TCF25: variants seen among roughly 807,000 people sequenced by gnomAD.
TCF25 encodes the protein ribosome quality control complex subunit TCF25.
A neutral mutation model predicts 83.1 loss-of-function variants in TCF25; 41 were observed. That is an observed-to-expected ratio of 0.49 (90% CI 0.38 to 0.64). The LOEUF is 0.64. Ranked by LOEUF, TCF25 falls within the 30% of genes least tolerant of loss-of-function variation. The pLI, the probability that TCF25 is intolerant of heterozygous loss-of-function variation, is 0.00. For synonymous variants in TCF25, 458 were observed against 365.0 expected (o/e 1.25, Z -2.90); for missense variants, 979 against 914.5 (o/e 1.07, Z -0.91).
At chr16:89,891,006 G>A (rs1478932565) in intron 5 of TCF25, among the ~76,000 whole-genome samples, 1 of 152,032 alleles carries the variant, frequency 6.6e-6, no homozygotes, top group Non-Finnish European at 1.5e-5. Flanking sequence ...TCTCTCAGAA[G>A]CTCAGAATAA....
intron 16 of TCF25, 31 bp from the exon 17 acceptor site, chr16:89,910,560 T>A (rs767213516): frequency 1.2e-6 from 2 of 1,611,538 alleles, no homozygotes; most frequent in Admixed American, 1.7e-5. Flanking sequence ...CAGTTCAGTG[T>A]CGTTTCTGAC....
At chr16:89,901,106 G>A (rs78498439) in intron 12 of TCF25, 11,704 of 257,178 alleles carry the variant, frequency 0.046, 357 homozygotes, top group Non-Finnish European at 0.07. Context: ...CTGGGGAGGA[G>A]AGCAAAGCAG....
chr16:89,894,019 A>G, intron 7 of TCF25, 161 bp downstream of exon 7: 1 of 1,058,758 alleles, frequency 9.4e-7, no homozygotes, highest in Non-Finnish European at 1.3e-6. Context: ...TGTGACCAGA[A>G]GGAGATGTGT....
chr16:89,898,735 C>T (rs1361110312), intron 10 of TCF25, 32 bp from the exon 11 acceptor site: 2 of 1,613,422 alleles, frequency 1.2e-6, no homozygotes, highest in East Asian at 2.2e-5. Context: ...CCCTGTTCCC[C>T]TTTGCTCTGC....
At chr16:89,910,561 C>A in intron 16 of TCF25, 30 bp from the exon 17 acceptor site, 1 of 1,611,066 alleles carries the variant, frequency 6.2e-7, no homozygotes, top group South Asian at 1.1e-5. Context: ...AGTTCAGTGT[C>A]GTTTCTGACT....
Position 89,904,174 on chromosome 16 carries a change from C to T in TCF25, c.1438C>T (p.His480Tyr). ...SVRPDASVSS[H>Y]RFFGPNAEIS... ...GCGGCCCGACGCCAGCGTTTCCAGT[C>T]ACCGCTTCTTTGGACCCAATGCTGA... The change falls in exon 13 of 18, where the codon CAC becomes TAC. Residue 480 changes from histidine to tyrosine, a missense_variant. By Grantham distance (83) the His-to-Tyr change is moderately conservative (BLOSUM62 2). Coordinates refer to ENST00000263346, the MANE Select transcript of TCF25 (RefSeq NM_014972.3). The T allele has an allele frequency of 6.3e-7, 1 of 1,598,312 alleles. No homozygotes were observed. The highest frequency in any genetic ancestry group is 1.3e-5 in the African/African-American group (1 of 74,692).
At position 89,892,224 on chromosome 16, in the gene TCF25, T is replaced by C. The variant is rs1195292389; in HGVS notation, c.646T>C (p.Cys216Arg). 1 of 1,612,580 alleles carries C rather than the reference T, an allele frequency of 6.2e-7. No individual in the cohort carries two copies. The highest frequency in any genetic ancestry group is 8.5e-7 in the Non-Finnish European group (1 of 1,179,590). ...PRQRQRVYPK[C>R]TWLTTPKSTW... is the part of the protein sequence containing the mutation. ...GCAGAGACAACGTGTGTACCCCAAG[T>C]GCACATGGCTGACCACCCCTAAAAG... Residue 216 changes from cysteine (C) to arginine (R), a missense_variant, in exon 6 of 18, where the codon TGC becomes CGC. Physicochemically the swap from Cys to Arg is radical, Grantham distance 180. Transcript: ENST00000263346.
At chr16:89,909,889 G>A (rs1391526414) in intron 16 of TCF25, 1 of 152,612 alleles carries the variant, frequency 6.6e-6, no homozygotes, top group Non-Finnish European at 1.5e-5. Flanking sequence ...CGGGAGAGCA[G>A]GGCTGCGGCG....
chr16:89,900,164 A>T (rs2044196532), intron 11 of TCF25, among the ~76,000 whole-genome samples: 1 of 151,182 alleles, frequency 6.6e-6, no homozygotes, highest in South Asian at 2.1e-4. Flanking sequence ...CATGTCTACA[A>T]TATGTGACAT....
chr16:89,893,739 C>T lies in TCF25; in HGVS notation c.709C>T (p.Arg237Trp), dbSNP rs772492928. ...PRYSKPGLSM[R>W]LLESKKGLSF... ...CTCTCCCCTCCCAGGTCTGTCCATG[C>T]GGCTGCTGGAATCAAAAAAAGGCCT... Residue 237 changes from arginine to tryptophan, a missense_variant, in exon 7 of 18, where the codon CGG becomes TGG. Physicochemically the swap from Arg to Trp is moderately radical, Grantham distance 101. Coordinates refer to ENST00000263346, the MANE Select transcript of TCF25 (RefSeq NM_014972.3). The T allele has an allele frequency of 6.8e-6, 11 of 1,613,680 alleles. No individual in the cohort carries two copies. The highest frequency in any genetic ancestry group is 1.7e-4 in the Middle Eastern group (1 of 5,912).
chr16:89,908,198 A>C (rs1452116039), intron 16 of TCF25, among the ~76,000 whole-genome samples: 93 of 41,230 alleles, frequency 2.3e-3, no homozygotes, highest in South Asian at 4.6e-3. Flanking sequence ...TCCCTCCTCC[A>C]AGTTCCCACC....
intron 9 of TCF25, among the ~76,000 whole-genome samples, chr16:89,897,180 A>T (rs911969326): frequency 1.3e-5 from 2 of 152,216 alleles, no homozygotes; most frequent in African/African-American, 4.8e-5. Context: ...TTTGACCTTA[A>T]ATCAGTGAGG....
intron 14 of TCF25, 70 bp from the exon 15 acceptor site, chr16:89,906,124 A>T (rs11862382): frequency 7.2e-6 from 10 of 1,381,100 alleles, no homozygotes; most frequent in African/African-American, 2.9e-5. Context: ...GTGGGGGCCG[A>T]GGCTCCATGG....
At chr16:89,897,094 C>T (rs1217144061) in intron 9 of TCF25, among the ~76,000 whole-genome samples, 1 of 152,036 alleles carries the variant, frequency 6.6e-6, no homozygotes, top group African/African-American at 2.4e-5. Flanking sequence ...GTGGGCTCTG[C>T]AATTGCATTT....
chr16:89,892,715 T>TG (rs1243837418), intron 6 of TCF25, among the ~76,000 whole-genome samples: 1 of 152,240 alleles, frequency 6.6e-6, no homozygotes, highest in Admixed American at 6.5e-5. Context: ...TAAGATGAAT[T>TG]GCAACAGTGA....
chr16:89,910,495 G>T, intron 16 of TCF25, 96 bp from the exon 17 acceptor site: 1 of 1,321,034 alleles, frequency 7.6e-7, no homozygotes, highest in Non-Finnish European at 1.1e-6. Context: ...CCGTGTCCCT[G>T]CGAGGGAGGC....
At chr16:89,877,834 C>T (rs139375988) in intron 1 of TCF25, among the ~76,000 whole-genome samples, 26 of 152,196 alleles carry the variant, frequency 1.7e-4, no homozygotes, top group Non-Finnish European at 3.4e-4. Flanking sequence ...CAGATAGTAA[C>T]GGGCGATAAG....
At position 89,911,377 on chromosome 16, in the gene TCF25, T is replaced by G; in HGVS notation, c.*139T>G. 1 of 1,172,250 alleles carries G rather than the reference T, an allele frequency of 8.5e-7. No individual in the cohort carries two copies. The highest frequency in any genetic ancestry group is 1.2e-6 in the Non-Finnish European group (1 of 832,712). The allele number at this position is 1,172,250 out of a possible 1,614,324, so 72.6% of individuals were successfully genotyped here. A position where few individuals can be genotyped will look rare whatever the true frequency, so the allele number is the denominator to read the frequency against. ...TGTTTCTCCTATAAATGTAAATGGG[T>G]CACGCTCTGCCGTCCGCACCTTCTC... On this transcript the variant is annotated 3_prime_UTR_variant, in exon 18 of 18. Coordinates refer to ENST00000263346, the MANE Select transcript of TCF25 (RefSeq NM_014972.3).
intron 1 of TCF25, among the ~76,000 whole-genome samples, chr16:89,875,869 G>T (rs573326305): frequency 1.6e-5 from 2 of 124,768 alleles, no homozygotes; most frequent in African/African-American, 3.1e-5. Flanking sequence ...AGGGTCTCAC[G>T]GTGTTGCCCA....
Sources: allele counts gnomAD v4.1 joint callset (sites outside exome capture counted in the v4.1 genomes callset), GRCh38; gene constraint gnomAD v4.1.1; transcripts MANE v1.5; gene names NCBI Gene and HGNC (gene_info 2026-07-23, HGNC 2026-07-21).